DHRSX: variants seen among roughly 807,000 people sequenced by gnomAD.
DHRSX encodes the protein polyprenol dehydrogenase.
Under a neutral mutation model 34.0 loss-of-function variants are expected in DHRSX, and 31 were observed. The ratio of observed to expected loss-of-function variants is 0.91; its 90% CI spans 0.69 to 1.23. DHRSX has a LOEUF of 1.23. Ranked by LOEUF, DHRSX falls within the 50% of genes most tolerant of loss-of-function variation. The probability of loss-of-function intolerance (pLI) is 0.00; values close to 1 mark genes in which losing one functional copy is unlikely to be tolerated. For missense variants in DHRSX, 414 were observed against 428.1 expected (o/e 0.97, Z 0.29); for synonymous variants, 201 against 183.8 (o/e 1.09, Z -0.76).
At chrX:2,350,122 G>C (rs1344222606) in intron 3 of DHRSX, among the ~76,000 whole-genome samples, 1 of 152,158 alleles carries the variant, frequency 6.6e-6, no homozygotes, top group African/African-American at 2.4e-5. Flanking sequence ...GAGGCAGGCA[G>C]ATCACTTGCA....
Position 2,481,503 on chromosome X carries a change from GA to G in DHRSX, c.109+19313del, listed in dbSNP as rs1187189519. On this transcript the variant is annotated intron_variant, in intron 1 of 6. Coordinates refer to ENST00000334651, the MANE Select transcript of DHRSX (RefSeq NM_145177.3). ...CAATGTACTGAAACCCCGTCTCTACGAAAAATATAAAAATTAGCTGGCTGTG... is the reference window on the plus strand; with the variant it reads ...CAATGTACTGAAACCCCGTCTCTACGAAAATATAAAAATTAGCTGGCTGTG... 1.3e-4 allele frequency among the ~76,000 whole-genome samples: 19 copies of G among 151,792 alleles called. 1 individual carries two copies. Among genetic ancestry groups the G allele is most frequent in the Admixed American group, 2.6e-4 (4 of 15,236 alleles).
intron 1 of DHRSX, chrX:2,489,627 T>C: frequency 6.2e-7 from 1 of 1,612,476 alleles, no homozygotes; most frequent in Non-Finnish European, 8.5e-7. Flanking sequence ...TGCTGCTCCT[T>C]GAGGCGCTGC....
intron 1 of DHRSX, among the ~76,000 whole-genome samples, chrX:2,433,409 A>T (rs2124658866): frequency 2.0e-5 from 3 of 151,774 alleles, no homozygotes; most frequent in South Asian, 2.1e-4. Context: ...TTTTTTTTTT[A>T]AAGTTCTGGG....
chrX:2,330,658 A>AAGG (rs2042458208), intron 3 of DHRSX, among the ~76,000 whole-genome samples: 1 of 133,454 alleles, frequency 7.5e-6, no homozygotes, highest in African/African-American at 3.5e-5. Context: ...AAAGAAGATG[A>AAGG]AGGAGAAGAA....
chrX:2,256,553 C>T (rs1321215207), intron 5 of DHRSX, among the ~76,000 whole-genome samples: 1 of 152,174 alleles, frequency 6.6e-6, no homozygotes, highest in Admixed American at 6.5e-5. Context: ...GCCTCGGCCT[C>T]CCAAAGTGCT....
At chrX:2,370,804 T>G (rs773239311) in intron 3 of DHRSX, among the ~76,000 whole-genome samples, 2 of 152,102 alleles carry the variant, frequency 1.3e-5, no homozygotes, top group African/African-American at 4.8e-5. Context: ...CCCGGGATGT[T>G]GGGCCAGCCT....
chrX:2,465,250 A>G (rs922223380), intron 1 of DHRSX, among the ~76,000 whole-genome samples: 1 of 152,156 alleles, frequency 6.6e-6, no homozygotes, highest in Non-Finnish European at 1.5e-5. Context: ...GAGGCTCTTC[A>G]GGGCGCCTCC....
chrX:2,421,769 C>T (rs5939242), intron 2 of DHRSX, among the ~76,000 whole-genome samples: 122,458 of 152,180 alleles, frequency 0.8, 49,832 homozygotes, highest in East Asian at 0.94. Context: ...AGGCTCAGAA[C>T]GCTAGCAGCT....
chrX:2,308,154 G>A (rs753909433), intron 3 of DHRSX, among the ~76,000 whole-genome samples: 12 of 152,202 alleles, frequency 7.9e-5, no homozygotes, highest in South Asian at 2.1e-4. Context: ...TGTCTGCCAC[G>A]TAGCTCATGG....
chrX:2,429,146 C>G (rs757445664), intron 1 of DHRSX, among the ~76,000 whole-genome samples: 1 of 152,122 alleles, frequency 6.6e-6, no homozygotes, highest in African/African-American at 2.4e-5. Context: ...CAATGACATT[C>G]CCGTGTTCCT....
At chrX:2,264,670 G>A (rs1477521577) in intron 5 of DHRSX, among the ~76,000 whole-genome samples, 1 of 150,708 alleles carries the variant, frequency 6.6e-6, no homozygotes, top group East Asian at 2.0e-4. Context: ...GCAGATCCAG[G>A]GAGCACCATT....
At chrX:2,428,580 T>C (rs1406183387) in intron 1 of DHRSX, among the ~76,000 whole-genome samples, 2 of 151,540 alleles carry the variant, frequency 1.3e-5, no homozygotes, top group African/African-American at 4.9e-5. Flanking sequence ...TGAGAACACA[T>C]GGAAACAGGG....
At chrX:2,221,585 G>A (rs1399396977) in intron 6 of DHRSX, among the ~76,000 whole-genome samples, 6 of 152,136 alleles carry the variant, frequency 3.9e-5, no homozygotes, top group Admixed American at 1.3e-4. Context: ...GTGAGTGCTT[G>A]GCTTCTGTAT....
At chrX:2,387,052 T>C (rs903248962) in intron 3 of DHRSX, among the ~76,000 whole-genome samples, 2 of 152,186 alleles carry the variant, frequency 1.3e-5, no homozygotes, top group African/African-American at 2.4e-5. Context: ...ACAAATCTTC[T>C]GAATATTTTG....
At chrX:2,255,666 A>G (rs925772755) in intron 5 of DHRSX, among the ~76,000 whole-genome samples, 4 of 151,932 alleles carry the variant, frequency 2.6e-5, no homozygotes, top group Non-Finnish European at 2.9e-5. Context: ...ATCCCAGCAC[A>G]TTGGGAAGTC....
At chrX:2,301,868 C>T (rs2042014856) in intron 3 of DHRSX, among the ~76,000 whole-genome samples, 1 of 152,036 alleles carries the variant, frequency 6.6e-6, no homozygotes, top group Non-Finnish European at 1.5e-5. Context: ...GAACTCCGGA[C>T]CTTGTGATCT....
intron 1 of DHRSX, among the ~76,000 whole-genome samples, chrX:2,464,094 T>G (rs944001342): frequency 6.6e-6 from 1 of 150,498 alleles, no homozygotes; most frequent in African/African-American, 2.5e-5. Context: ...ACACTGAAGA[T>G]GTTCCCTAAG....
intron 3 of DHRSX, among the ~76,000 whole-genome samples, chrX:2,394,695 A>G (rs1437477910): frequency 6.6e-6 from 1 of 152,026 alleles, no homozygotes; most frequent in Non-Finnish European, 1.5e-5. Flanking sequence ...GTGAAACCCC[A>G]TCTCTACTAA....
chrX:2,282,514 G>C (rs911998799), intron 4 of DHRSX, among the ~76,000 whole-genome samples: 1 of 147,208 alleles, frequency 6.8e-6, no homozygotes, highest in Non-Finnish European at 1.5e-5. Flanking sequence ...GAGAGACAAG[G>C]GGAGAGACAG....
Sources: gnomAD v4.1 joint callset for allele counts (sites outside exome capture counted in the v4.1 genomes callset) on GRCh38, gnomAD v4.1.1 for gene constraint, MANE v1.5 for transcripts, NCBI Gene and HGNC (gene_info 2026-07-23, HGNC 2026-07-21) for gene names.